C4orf36: variants seen among roughly 807,000 people sequenced by gnomAD.
C4orf36 encodes the protein chromosome 4 open reading frame 36.
In C4orf36, 11 loss-of-function variants were observed where a neutral mutation model predicts 12.2. The ratio of observed to expected loss-of-function variants is 0.90; its 90% CI spans 0.57 to 1.49. The LOEUF (loss-of-function observed/expected upper bound fraction) is 1.49, where lower values mean the gene tolerates loss of function less well. Ranked by LOEUF, C4orf36 falls within the 40% of genes most tolerant of loss-of-function variation. C4orf36 has a pLI of 0.00. For missense variants in C4orf36, 137 were observed against 133.9 expected, an observed-to-expected ratio of 1.02 and a Z score of -0.11; for synonymous variants, 54 against 51.3, an observed-to-expected ratio of 1.05 and a Z score of -0.22.
the C4orf36 span, among the ~76,000 whole-genome samples, chr4:86,930,449 ATCTC>A: frequency 2.6e-5 from 4 of 152,272 alleles, no homozygotes; most frequent in African/African-American, 7.2e-5. Flanking sequence ...AAGATGAAAT[ATCTC>A]TCTGAGGTTA....
At chr4:86,887,953 C>T in intron 3 of C4orf36, 60 bp from the exon 4 acceptor site, 1 of 1,600,718 alleles carries the variant, frequency 6.2e-7, no homozygotes, top group Non-Finnish European at 8.5e-7. Flanking sequence ...ATAACTAAGT[C>T]AAAACTGAAT....
At chr4:86,886,968 A>G (rs1470223782) in intron 4 of C4orf36, 2 of 152,198 alleles carry the variant, frequency 1.3e-5, no homozygotes, top group East Asian at 1.9e-4. Context: ...TTGTAGGGAC[A>G]TGGGTGAAGC....
the C4orf36 span, among the ~76,000 whole-genome samples, chr4:86,922,913 A>G: frequency 6.6e-6 from 1 of 150,896 alleles, no homozygotes; most frequent in Non-Finnish European, 1.5e-5. Context: ...CCTTAGAGGT[A>G]GTCATGCTGT....
At chr4:86,926,219 G>C in the C4orf36 span, 1 of 152,236 alleles carries the variant, frequency 6.6e-6, no homozygotes, top group Admixed American at 6.5e-5. Flanking sequence ...TTCCCCTCTT[G>C]GGACTCACAT....
At chr4:86,879,439 GAA>G (rs754122974) in intron 4 of C4orf36, among the ~76,000 whole-genome samples, 3 of 152,024 alleles carry the variant, frequency 2.0e-5, no homozygotes, top group Non-Finnish European at 2.9e-5. Flanking sequence ...CACTTAAGCA[GAA>G]AAAAGAGTCA....
the C4orf36 span, among the ~76,000 whole-genome samples, chr4:86,919,150 A>AGAGAGAGAGAGAGAGAG: frequency 7.9e-6 from 1 of 126,630 alleles, no homozygotes; most frequent in African/African-American, 3.0e-5. Context: ...GAGAGAGAGA[A>AGAGAGAGAGAGAGAGAG]ATCCTTTTCT....
intron 4 of C4orf36, chr4:86,886,326 G>C (rs926113518): frequency 3.3e-5 from 5 of 152,268 alleles, no homozygotes; most frequent in South Asian, 4.1e-4. Context: ...AGAGTGAACA[G>C]GCAACCTACA....
At chr4:86,936,083 C>T in the C4orf36 span, 2 of 152,210 alleles carry the variant, frequency 1.3e-5, no homozygotes, top group East Asian at 3.9e-4. Flanking sequence ...GCTTCTCCAC[C>T]ACCAGCACCC....
At chr4:86,900,952 T>C in the C4orf36 span, among the ~76,000 whole-genome samples, 4,253 of 151,810 alleles carry the variant, frequency 0.028, 86 homozygotes, top group Non-Finnish European at 0.037. Context: ...GTAAGCCAGA[T>C]CATGTCTGTC....
At chr4:86,892,515 C>G (rs1747468337), upstream of C4orf36, 1 of 960,522 alleles carries the variant, frequency 1.0e-6, no homozygotes, top group Non-Finnish European at 1.2e-6. Flanking sequence ...GGGAGACGCG[C>G]CCCGCGGGGT....
upstream of C4orf36, among the ~76,000 whole-genome samples, chr4:86,895,975 A>G (rs1331938284): frequency 1.3e-5 from 2 of 152,246 alleles, no homozygotes; most frequent in Admixed American, 1.3e-4. Context: ...CAAAAGATCA[A>G]CACCTAACAC....
chr4:86,914,154 A>C, the C4orf36 span: 11 of 1,596,242 alleles, frequency 6.9e-6, no homozygotes, highest in Admixed American at 1.7e-5. Flanking sequence ...TCCACTTCCC[A>C]CAGCAAATTT....
chr4:86,929,586 G>A, the C4orf36 span, among the ~76,000 whole-genome samples: 1 of 152,132 alleles, frequency 6.6e-6, no homozygotes, highest in Admixed American at 6.5e-5. Context: ...CTCAAGGAGA[G>A]GAAATGAAAT....
the C4orf36 span, among the ~76,000 whole-genome samples, chr4:86,912,824 C>T: frequency 3.3e-5 from 5 of 151,728 alleles, no homozygotes; most frequent in South Asian, 2.1e-4. Context: ...ACATTTATAT[C>T]TATCTTAATA....
chr4:86,934,480 T>C, the C4orf36 span: 1 of 152,294 alleles, frequency 6.6e-6, no homozygotes, highest in South Asian at 2.1e-4. Context: ...TTGAGCACAA[T>C]ACTTACTTTT....
the C4orf36 span, chr4:86,913,558 G>T: frequency 9.4e-7 from 1 of 1,062,068 alleles, no homozygotes. Flanking sequence ...GCGTTGGGCA[G>T]CAGTCATGGC....
At chr4:86,918,900 A>G in the C4orf36 span, among the ~76,000 whole-genome samples, 15 of 152,060 alleles carry the variant, frequency 9.9e-5, 1 homozygote, top group Non-Finnish European at 1.5e-5. Flanking sequence ...GAGAAATCCC[A>G]TGACAGGCCA....
chr4:86,933,119 AAGAG>A, the C4orf36 span: 21 of 152,236 alleles, frequency 1.4e-4, no homozygotes, highest in African/African-American at 2.4e-4. Flanking sequence ...TGACCAGCAG[AAGAG>A]AGAGAAAGGC....
chr4:86,904,580 CAAAAAAAAAAAA>C, the C4orf36 span, among the ~76,000 whole-genome samples: 3 of 70,458 alleles, frequency 4.3e-5, no homozygotes, highest in Non-Finnish European at 2.7e-5. Context: ...GACTCTGTCT[CAAAAAAAAAAAA>C]AAAAAAAAAA....
Sources: allele counts gnomAD v4.1 joint callset (sites outside exome capture counted in the v4.1 genomes callset), GRCh38; gene constraint gnomAD v4.1.1; transcripts MANE v1.5; gene names NCBI Gene and HGNC (gene_info 2026-07-23, HGNC 2026-07-21).